NFIA: variants seen among roughly 807,000 people sequenced by gnomAD.
The protein encoded by NFIA is nuclear factor 1 A-type.
A neutral mutation model predicts 62.8 loss-of-function variants in NFIA; 8 were observed. That is an observed-to-expected ratio of 0.13 (90% confidence interval 0.07 to 0.23). NFIA has a LOEUF of 0.23. NFIA is among the 10% of genes least tolerant of loss of function. NFIA has a pLI of 1.00. For missense variants in NFIA, 410 were observed against 642.1 expected, an observed-to-expected ratio of 0.64 and a Z score of 3.91; for synonymous variants, 235 against 238.1, an observed-to-expected ratio of 0.99 and a Z score of 0.12.
chr1:61,129,347 G>A (rs952320805), intron 2 of NFIA, among the ~76,000 whole-genome samples: 4 of 151,930 alleles, frequency 2.6e-5, no homozygotes, highest in African/African-American at 7.3e-5. Context: ...ATTTTACAGA[G>A]TCATCTCACA....
chr1:61,169,379 G>A (rs1221981324), intron 2 of NFIA, among the ~76,000 whole-genome samples: 1 of 152,036 alleles, frequency 6.6e-6, no homozygotes, highest in African/African-American at 2.4e-5. Flanking sequence ...CTCTTAGTTT[G>A]TCCCCCCAAG....
At chr1:61,218,237 A>G (rs1425067562) in intron 2 of NFIA, among the ~76,000 whole-genome samples, 3 of 152,214 alleles carry the variant, frequency 2.0e-5, no homozygotes, top group Admixed American at 6.5e-5. Context: ...ATCTCTGAAT[A>G]TGTTACAATT....
intron 2 of NFIA, among the ~76,000 whole-genome samples, chr1:61,217,233 T>TG (rs1177910752): frequency 2.0e-5 from 3 of 150,804 alleles, no homozygotes; most frequent in African/African-American, 7.3e-5. Context: ...ATTTTTTTTT[T>TG]TTTGTTTTGT....
At chr1:61,263,734 C>T (rs1436974554) in intron 2 of NFIA, among the ~76,000 whole-genome samples, 3 of 152,214 alleles carry the variant, frequency 2.0e-5, no homozygotes, top group African/African-American at 7.2e-5. Context: ...GTGGCTCACG[C>T]CTGTAATCCC....
At chr1:61,366,038 A>T (rs1125778) in intron 6 of NFIA, among the ~76,000 whole-genome samples, 133,621 of 152,226 alleles carry the variant, frequency 0.88, 58,672 homozygotes, top group East Asian at 0.95. Context: ...GAAATGTTCA[A>T]GTCTCACTTG....
chr1:61,089,733 C>G (rs1398767702), intron 2 of NFIA, among the ~76,000 whole-genome samples: 1 of 140,524 alleles, frequency 7.1e-6, no homozygotes, highest in Non-Finnish European at 1.5e-5. Context: ...GAGATGTTAC[C>G]TGTAAAAACA....
At chr1:61,411,866 T>C (rs373807636) in intron 9 of NFIA, among the ~76,000 whole-genome samples, 3 of 151,416 alleles carry the variant, frequency 2.0e-5, no homozygotes, top group South Asian at 4.2e-4. Flanking sequence ...AACCAGCCAG[T>C]AGAAAGGCAG....
At chr1:61,136,518 G>A (rs1354466095) in intron 2 of NFIA, among the ~76,000 whole-genome samples, 1 of 152,216 alleles carries the variant, frequency 6.6e-6, no homozygotes, top group African/African-American at 2.4e-5. Flanking sequence ...GGGAGGTGCT[G>A]TGGAGCCTTT....
intron 2 of NFIA, among the ~76,000 whole-genome samples, chr1:61,201,403 G>A (rs145271904): frequency 6.6e-6 from 1 of 151,848 alleles, no homozygotes; most frequent in East Asian, 1.9e-4. Flanking sequence ...ACATTTGTTT[G>A]AGTCCTTGTG....
chr1:61,177,139 T>C (rs565439871), intron 2 of NFIA, among the ~76,000 whole-genome samples: 2 of 151,960 alleles, frequency 1.3e-5, no homozygotes, highest in South Asian at 2.1e-4. Flanking sequence ...ATACTTGTTA[T>C]GTTTCCGTGC....
At chr1:61,114,949 A>AAT (rs768782646) in intron 2 of NFIA, among the ~76,000 whole-genome samples, 25 of 151,974 alleles carry the variant, frequency 1.6e-4, no homozygotes, top group African/African-American at 4.6e-4. Flanking sequence ...ACATTAAGTG[A>AAT]ATATATATAT....
chr1:61,151,165 C>T (rs1170817934), intron 2 of NFIA, among the ~76,000 whole-genome samples: 1 of 152,108 alleles, frequency 6.6e-6, no homozygotes, highest in Non-Finnish European at 1.5e-5. Context: ...GAGAGAAGGA[C>T]ACACATAAGA....
intron 1 of NFIA, among the ~76,000 whole-genome samples, chr1:61,083,780 C>CACCACCG (rs2100405876): frequency 6.6e-6 from 1 of 151,654 alleles, no homozygotes; most frequent in East Asian, 1.9e-4. Flanking sequence ...CCGCCACCAC[C>CACCACCG]ACCACCGCCA....
chr1:61,366,186 AC>A, intron 6 of NFIA, among the ~76,000 whole-genome samples: 1 of 152,314 alleles, frequency 6.6e-6, no homozygotes, highest in East Asian at 1.9e-4. Context: ...AACGATTTAT[AC>A]CAGGGGTCCA....
At position 61,398,881 on chromosome 1, in the gene NFIA, T is replaced by C. The variant is rs1318019781; in HGVS notation, c.1076-5223T>C. On this transcript the variant is annotated intron_variant, in intron 7 of 10. Coordinates refer to ENST00000403491, the MANE Select transcript of NFIA (RefSeq NM_001134673.4). ...CTTTAGGTGGGGTATAATGGTGTTA[T>C]ATAGTGTGGTTTTGAATTTCTGAAG... Among the ~76,000 whole-genome samples, 2 of 152,222 alleles carry C rather than the reference T, an allele frequency of 1.3e-5. 1 individual carries two copies. Among genetic ancestry groups the C allele is most frequent in the East Asian group, 3.8e-4 (2 of 5,204 alleles).
chr1:61,286,136 T>G (rs1286956570), intron 3 of NFIA, among the ~76,000 whole-genome samples: 2 of 152,138 alleles, frequency 1.3e-5, no homozygotes, highest in Non-Finnish European at 2.9e-5. Flanking sequence ...TTCTTAAGAA[T>G]TGCTGGATAG....
chr1:61,164,535 C>T (rs1400684385), intron 2 of NFIA, among the ~76,000 whole-genome samples: 1 of 152,116 alleles, frequency 6.6e-6, no homozygotes, highest in Non-Finnish European at 1.5e-5. Context: ...TCTCAGCTCA[C>T]TGCAAGCTCT....
rs576978535 is a variant in NFIA, at chr1:61,319,339, G to T, written c.626-13173G>T. Among the ~76,000 whole-genome samples, 7 of 152,170 alleles carry T rather than the reference G, an allele frequency of 4.6e-5. No homozygotes were observed. The East Asian group carries it at 1.3e-3, about 29-fold the overall frequency. On this transcript the variant is annotated intron_variant, in intron 3 of 10. Transcript: ENST00000403491. ...TATACATATGTTTGTGTAGTAGCAG[G>T]AATCTTCCATTACATCTCAAGAATG...
At chr1:61,200,499 A>G (rs1298581530) in intron 2 of NFIA, among the ~76,000 whole-genome samples, 3 of 152,122 alleles carry the variant, frequency 2.0e-5, no homozygotes, top group Admixed American at 6.5e-5. Context: ...GCATCTGATT[A>G]ATTAAAATGA....
Sources: allele counts gnomAD v4.1 joint callset (sites outside exome capture counted in the v4.1 genomes callset), GRCh38; gene constraint gnomAD v4.1.1; transcripts MANE v1.5; gene names NCBI Gene and HGNC (gene_info 2026-07-23, HGNC 2026-07-21).